Variants in ARHGAP24 observed in about 807,000 individuals in gnomAD.
ARHGAP24 encodes rho GTPase-activating protein 24.
Under a neutral mutation model 76.4 loss-of-function variants are expected in ARHGAP24, and 50 were observed. The observed-to-expected ratio is 0.65, with a 90% CI of 0.52 to 0.83. ARHGAP24 has a LOEUF of 0.83. Ranked by LOEUF, ARHGAP24 falls within the 40% of genes least tolerant of loss-of-function variation. The pLI is 0.00. For synonymous variants in ARHGAP24, 345 were observed against 323.3 expected, an observed-to-expected ratio of 1.07 and a Z score of -0.72; for missense variants, 930 against 914.2, an observed-to-expected ratio of 1.02 and a Z score of -0.22.
At chr4:85,617,245 C>A (rs1035731707) in intron 2 of ARHGAP24, among the ~76,000 whole-genome samples, 3 of 147,996 alleles carry the variant, frequency 2.0e-5, no homozygotes, top group African/African-American at 7.4e-5. Context: ...TATTTAAATA[C>A]CTATATATTT....
chr4:85,676,559 C>A (rs984828293), intron 2 of ARHGAP24, among the ~76,000 whole-genome samples: 4 of 152,118 alleles, frequency 2.6e-5, no homozygotes, highest in African/African-American at 9.7e-5. Flanking sequence ...GGGAAAAGAA[C>A]ACTGAACAAG....
chr4:85,844,020 T>G (rs1219888758), intron 3 of ARHGAP24, among the ~76,000 whole-genome samples: 2 of 152,188 alleles, frequency 1.3e-5, no homozygotes, highest in Non-Finnish European at 2.9e-5. Flanking sequence ...AAGTTGTAAT[T>G]GCTTATGAAA....
At chr4:85,949,740 A>G (rs1418374432) in intron 5 of ARHGAP24, among the ~76,000 whole-genome samples, 1 of 152,212 alleles carries the variant, frequency 6.6e-6, no homozygotes, top group Non-Finnish European at 1.5e-5. Context: ...AAAAGGGGAG[A>G]AAGCTGACTC....
At chr4:85,477,773 C>A (rs896091152) in intron 1 of ARHGAP24, among the ~76,000 whole-genome samples, 1 of 152,092 alleles carries the variant, frequency 6.6e-6, no homozygotes, top group African/African-American at 2.4e-5. Context: ...GTTTTCTTTC[C>A]GGCTCGATTA....
intron 3 of ARHGAP24, among the ~76,000 whole-genome samples, chr4:85,772,940 C>T (rs1329392104): frequency 1.3e-5 from 2 of 152,192 alleles, no homozygotes; most frequent in Admixed American, 6.5e-5. Flanking sequence ...ATATGCGCCT[C>T]ATAGACAGAT....
At chr4:85,933,452 T>C (rs2148818853) in intron 4 of ARHGAP24, among the ~76,000 whole-genome samples, 1 of 152,238 alleles carries the variant, frequency 6.6e-6, no homozygotes, top group African/African-American at 2.4e-5. Flanking sequence ...TCAGAGCACC[T>C]TTCTCTTCCA....
chr4:85,982,188 TTTG>T (rs1455473078), intron 8 of ARHGAP24, among the ~76,000 whole-genome samples: 1 of 151,814 alleles, frequency 6.6e-6, no homozygotes, highest in South Asian at 2.1e-4. Context: ...AGTCAGTGTT[TTTG>T]TTGTTGTTAT....
intron 2 of ARHGAP24, among the ~76,000 whole-genome samples, chr4:85,572,157 T>C (rs1445370918): frequency 6.6e-6 from 1 of 152,228 alleles, no homozygotes; most frequent in Non-Finnish European, 1.5e-5. Context: ...ACGGTTCTTT[T>C]CTAATTGCAC....
chr4:85,571,004 T>C (rs112489530), intron 2 of ARHGAP24: 1 of 310,576 alleles, frequency 3.2e-6, no homozygotes, highest in South Asian at 5.0e-5. Context: ...ATGAGAAAAT[T>C]TTAGTAGACA....
intron 2 of ARHGAP24, among the ~76,000 whole-genome samples, chr4:85,667,682 T>C (rs906463979): frequency 5.3e-5 from 8 of 152,354 alleles, no homozygotes; most frequent in Admixed American, 1.3e-4. Context: ...TCTTCCCTAA[T>C]GTTCATAAGT....
intron 3 of ARHGAP24, among the ~76,000 whole-genome samples, chr4:85,782,743 A>T (rs754780681): frequency 1.4e-4 from 21 of 152,208 alleles, no homozygotes; most frequent in Non-Finnish European, 2.8e-4. Context: ...AAAGATACTC[A>T]AACTGACTCA....
Position 85,839,843 on chromosome 4 carries a change from C to CTTTTTTTTTTTTTTTT in ARHGAP24, c.269-83796_269-83781dup, listed in dbSNP as rs33974767. ...CTACCAAGTGTCTTTTTTCTGTTTTCTTTTTTTTTTTTTTTTTTTTTTTTG... is the reference window on the plus strand; with the variant it reads ...CTACCAAGTGTCTTTTTTCTGTTTTCTTTTTTTTTTTTTTTTTTTTTTTTTTTTTTTTTTTTTTTTG... On this transcript the variant is annotated intron_variant, in intron 3 of 9. Transcript: ENST00000395184. Among the ~76,000 whole-genome samples the CTTTTTTTTTTTTTTTT allele has an allele frequency of 3.9e-4, 41 of 105,616 alleles. 1 individual carries two copies. The highest frequency in any genetic ancestry group is 5.8e-4 in the Non-Finnish European group (32 of 55,638). 69.3% of individuals were successfully genotyped at this position (105,616 alleles called of 152,430 possible). A position where few individuals can be genotyped will look rare whatever the true frequency, so the allele number is the denominator to read the frequency against.
intron 2 of ARHGAP24, among the ~76,000 whole-genome samples, chr4:85,644,164 G>A (rs1721635736): frequency 6.6e-6 from 1 of 152,122 alleles, no homozygotes. Context: ...ACTATAAAAC[G>A]CTGAAACTAA....
chr4:85,955,363 C>A (rs1054223425), intron 5 of ARHGAP24, among the ~76,000 whole-genome samples: 1 of 151,918 alleles, frequency 6.6e-6, no homozygotes, highest in African/African-American at 2.4e-5. Context: ...AAAAGCATTG[C>A]AAACTGGGTA....
chr4:85,907,898 A>G (rs563431487), intron 3 of ARHGAP24, among the ~76,000 whole-genome samples: 1 of 152,292 alleles, frequency 6.6e-6, no homozygotes, highest in South Asian at 2.1e-4. Flanking sequence ...GTGAGCCTGG[A>G]AAAAGGTGGC....
At chr4:85,883,065 G>T (rs1265777120) in intron 3 of ARHGAP24, among the ~76,000 whole-genome samples, 2 of 152,144 alleles carry the variant, frequency 1.3e-5, no homozygotes, top group Non-Finnish European at 2.9e-5. Context: ...AAGCAAATCA[G>T]CAGGGATACT....
chr4:85,922,446 A>G (rs774498703), intron 3 of ARHGAP24, among the ~76,000 whole-genome samples: 3 of 152,238 alleles, frequency 2.0e-5, no homozygotes, highest in Non-Finnish European at 4.4e-5. Flanking sequence ...ACTTACAAAC[A>G]AACAAACAAC....
At chr4:85,507,175 C>T (rs150584224) in intron 1 of ARHGAP24, among the ~76,000 whole-genome samples, 164 of 152,206 alleles carry the variant, frequency 1.1e-3, no homozygotes, top group African/African-American at 3.8e-3. Context: ...TGTTGGATCA[C>T]TGATCACTTT....
chr4:85,943,053 C>T (rs933952150), intron 5 of ARHGAP24, among the ~76,000 whole-genome samples: 3 of 152,108 alleles, frequency 2.0e-5, no homozygotes, highest in Admixed American at 2.0e-4. Flanking sequence ...TTTCACTCTA[C>T]AGGTATATTA....
Sources: allele counts gnomAD v4.1 joint callset (sites outside exome capture counted in the v4.1 genomes callset), GRCh38; gene constraint gnomAD v4.1.1; transcripts MANE v1.5; gene names NCBI Gene and HGNC (gene_info 2026-07-23, HGNC 2026-07-21).